Variants in CHD9 observed in about 807,000 individuals in gnomAD.
CHD9 encodes the protein chromodomain helicase DNA binding protein 9, also known as ATP-dependent chromatin remodeler CHD9.
In CHD9, 77 loss-of-function variants were observed where a neutral mutation model predicts 316.1. The observed-to-expected ratio is 0.24, with a 90% CI of 0.20 to 0.29. The LOEUF is 0.29. CHD9 is among the 10% of genes least tolerant of loss of function. The pLI, the probability that CHD9 is intolerant of heterozygous loss-of-function variation, is 1.00. For missense variants in CHD9, 2,763 were observed against 3,438.1 expected (o/e 0.80, Z 4.91); for synonymous variants, 1,129 against 1,158.3 (o/e 0.97, Z 0.51).
At chr16:53,186,068 G>A (rs2152816583) in intron 2 of CHD9, among the ~76,000 whole-genome samples, 2 of 152,342 alleles carry the variant, frequency 1.3e-5, no homozygotes, top group South Asian at 4.1e-4. Flanking sequence ...GCTGTGAGAA[G>A]AGGATCACCA....
At chr16:53,287,332 C>T (rs771738521) in intron 26 of CHD9, among the ~76,000 whole-genome samples, 3 of 152,160 alleles carry the variant, frequency 2.0e-5, no homozygotes, top group East Asian at 1.9e-4. Flanking sequence ...CCACACATAA[C>T]GAAAGGCCAA....
chr16:53,238,488 T>G lies in CHD9; in HGVS notation c.2779T>G (p.Phe927Val). The G allele has an allele frequency of 6.2e-7, 1 of 1,613,434 alleles. No individual in the cohort carries two copies. Among genetic ancestry groups the G allele is most frequent in the Non-Finnish European group, 8.5e-7 (1 of 1,179,532 alleles). ...TACTATTGCAAACTGGGAGAGAGAA[T>G]TTCGTACGTGGACTGATATTAACGT... ...LSTIANWERE[F>V]RTWTDINVVV... The change falls in exon 12 of 39, where the codon TTT (phenylalanine) becomes GTT (valine). Residue 927 changes from phenylalanine to valine, a missense_variant. By Grantham distance (50) the Phe-to-Val change is conservative. Around this residue, in one of 15 missense-constraint regions of CHD9, gnomAD observed 186 missense variants for 245.0 expected, o/e 0.76. Transcript: ENST00000447540.
chr16:53,206,754 C>T (rs991546787), intron 2 of CHD9, among the ~76,000 whole-genome samples: 1 of 152,138 alleles, frequency 6.6e-6, no homozygotes, highest in Non-Finnish European at 1.5e-5. Context: ...ATTGTTTGCT[C>T]TCTCAGTTCC....
At chr16:53,281,781 C>T (rs1172918534) in intron 24 of CHD9, among the ~76,000 whole-genome samples, 1 of 152,176 alleles carries the variant, frequency 6.6e-6, no homozygotes, top group African/African-American at 2.4e-5. Flanking sequence ...TTCCCCAGGA[C>T]TTCCACAGAA....
chr16:53,174,373 A>G (rs1167626352), intron 2 of CHD9, among the ~76,000 whole-genome samples: 1 of 152,208 alleles, frequency 6.6e-6, no homozygotes, highest in Admixed American at 6.5e-5. Context: ...TTGTAATCAG[A>G]GTACATAATT....
At chr16:53,311,461 C>T (rs2056470759) in intron 34 of CHD9, 1 of 152,144 alleles carries the variant, frequency 6.6e-6, no homozygotes, top group African/African-American at 2.4e-5. Context: ...CAATAAAGAG[C>T]TTGGCACACA....
At chr16:53,214,969 A>G (rs1360163516) in intron 3 of CHD9, among the ~76,000 whole-genome samples, 1 of 148,804 alleles carries the variant, frequency 6.7e-6, no homozygotes, top group Non-Finnish European at 1.5e-5. Context: ...GCTGGAGTGC[A>G]GTGGCACATC....
At position 53,291,719 on chromosome 16, in the gene CHD9, TA is replaced by T; in HGVS notation, c.5248-2del. 1 of 1,558,290 alleles carries T rather than the reference TA, an allele frequency of 6.4e-7. No individual in the cohort carries two copies. Among genetic ancestry groups the T allele is most frequent in the South Asian group, 1.2e-5 (1 of 80,884 alleles). On this transcript the variant is annotated splice_polypyrimidine_tract_variant and splice_region_variant and intron_variant, in intron 27 of 38. Transcript: ENST00000447540. ...CCTGTGACAAGTTTCTATTTTCTTTTAAAAGGATGATGTTTCCTCACCAGGA... is the reference window on the plus strand; with the variant it reads ...CCTGTGACAAGTTTCTATTTTCTTTTAAAGGATGATGTTTCCTCACCAGGA...
chr16:53,134,087 A>G lies in CHD9; in HGVS notation c.-164-21839A>G, dbSNP rs1001954489. On this transcript the variant is annotated intron_variant, in intron 1 of 38. Transcript: ENST00000447540. ...TAACAGAGAAGAAAAATGAAATCCT[A>G]GAGAGTCTATAAAGAAAAACTATGA... Among the ~76,000 whole-genome samples the G allele has an allele frequency of 5.9e-5, 9 of 152,260 alleles. No homozygotes were observed. The East Asian group carries it at 1.5e-3, about 26-fold the overall frequency.
chr16:53,143,082 G>C (rs1018591792), intron 1 of CHD9, among the ~76,000 whole-genome samples: 1 of 152,072 alleles, frequency 6.6e-6, no homozygotes, highest in African/African-American at 2.4e-5. Context: ...CCATTCATGA[G>C]GGCAGAGGCC....
chr16:53,308,649 A>T (rs764609517), intron 33 of CHD9, 37 bp from the exon 34 acceptor site: 7 of 1,520,990 alleles, frequency 4.6e-6, no homozygotes, highest in Middle Eastern at 1.7e-4. Flanking sequence ...GATTTTTTTT[A>T]ACAGTTTCTG....
chr16:53,083,453 C>T (rs2152538991), intron 1 of CHD9, among the ~76,000 whole-genome samples: 2 of 152,284 alleles, frequency 1.3e-5, no homozygotes, highest in East Asian at 3.9e-4. Flanking sequence ...ATTGCCACAC[C>T]TTTGCTTAAG....
chr16:53,244,228 T>G (rs1373538662), intron 13 of CHD9, among the ~76,000 whole-genome samples: 2 of 150,480 alleles, frequency 1.3e-5, no homozygotes, highest in East Asian at 3.9e-4. Context: ...AGTCTCACTC[T>G]GTTGCCCAGG....
chr16:53,162,432 T>C (rs954395923), intron 2 of CHD9, among the ~76,000 whole-genome samples: 2 of 152,214 alleles, frequency 1.3e-5, no homozygotes, highest in Non-Finnish European at 2.9e-5. Context: ...TCATAACAAA[T>C]ATTTTCTGCT....
intron 1 of CHD9, among the ~76,000 whole-genome samples, chr16:53,125,744 C>T (rs1325727909): frequency 6.6e-6 from 1 of 152,182 alleles, no homozygotes; most frequent in African/African-American, 2.4e-5. Flanking sequence ...TGATTTTGCC[C>T]AACTGTAGGC....
At chr16:53,161,864 G>A (rs1019344785) in intron 2 of CHD9, among the ~76,000 whole-genome samples, 5 of 151,944 alleles carry the variant, frequency 3.3e-5, no homozygotes, top group Non-Finnish European at 4.4e-5. Flanking sequence ...CGATCCTCCC[G>A]CCTCAGCTTC....
At chr16:53,117,092 G>A (rs538534614) in intron 1 of CHD9, among the ~76,000 whole-genome samples, 2 of 152,146 alleles carry the variant, frequency 1.3e-5, no homozygotes, top group Non-Finnish European at 2.9e-5. Flanking sequence ...AAGGGGGAAG[G>A]GAAAGCATCA....
At chr16:53,210,119 A>G (rs932245295) in intron 3 of CHD9, among the ~76,000 whole-genome samples, 4 of 152,170 alleles carry the variant, frequency 2.6e-5, no homozygotes, top group African/African-American at 9.7e-5. Flanking sequence ...AATGAAATCC[A>G]TATTGCTGTG....
At chr16:53,070,719 A>G (rs984323182) in intron 1 of CHD9, among the ~76,000 whole-genome samples, 2 of 151,938 alleles carry the variant, frequency 1.3e-5, no homozygotes, top group Non-Finnish European at 2.9e-5. Context: ...ATGCCCAGCT[A>G]ATTTTTGTAG....
Sources: gnomAD v4.1 joint callset for allele counts (sites outside exome capture counted in the v4.1 genomes callset) on GRCh38, gnomAD v4.1.1 for gene constraint, gnomAD v4.1.1 regional missense constraint, MANE v1.5 for transcripts, NCBI Gene and HGNC (gene_info 2026-07-23, HGNC 2026-07-21) for gene names.